The following GRID2 variants were observed in gnomAD, a reference collection of about 807,000 sequenced individuals.
GRID2 encodes glutamate receptor ionotropic, delta-2.
A neutral mutation model predicts 114.8 loss-of-function variants in GRID2; 33 were observed. The ratio of observed to expected loss-of-function variants is 0.29; its 90% confidence interval spans 0.22 to 0.38. GRID2 has a LOEUF of 0.38. GRID2 is among the 10% of genes least tolerant of loss of function. The pLI is 1.00. For missense variants in GRID2, 1,184 were observed against 1,257.7 expected (o/e 0.94, Z 0.89); for synonymous variants, 505 against 449.9 (o/e 1.12, Z -1.55).
chr4:92,508,584 A>G (rs1023100710), intron 1 of GRID2, among the ~76,000 whole-genome samples: 1 of 151,940 alleles, frequency 6.6e-6, no homozygotes, highest in Non-Finnish European at 1.5e-5. Flanking sequence ...AAGAGCAGGC[A>G]CAAAAGCCGG....
At chr4:93,318,776 C>A (rs574003221) in intron 8 of GRID2, 4 of 152,296 alleles carry the variant, frequency 2.6e-5, no homozygotes, top group East Asian at 3.9e-4. Flanking sequence ...TATGCCATAT[C>A]TCCTCCTTCT....
At chr4:92,460,557 T>C (rs1197131228) in intron 1 of GRID2, among the ~76,000 whole-genome samples, 1 of 152,128 alleles carries the variant, frequency 6.6e-6, no homozygotes, top group Non-Finnish European at 1.5e-5. Context: ...AATTTTTGTC[T>C]CAAATAATTT....
At chr4:92,577,186 T>C (rs954094339) in intron 1 of GRID2, among the ~76,000 whole-genome samples, 2 of 152,170 alleles carry the variant, frequency 1.3e-5, no homozygotes, top group African/African-American at 4.8e-5. Context: ...GACTGGAAGT[T>C]TCTTTGTGGC....
At chr4:93,766,952 A>G (rs1733725658) in intron 14 of GRID2, among the ~76,000 whole-genome samples, 1 of 152,208 alleles carries the variant, frequency 6.6e-6, no homozygotes, top group South Asian at 2.1e-4. Context: ...GACGAGCAAT[A>G]CCAACATCAT....
chr4:92,654,563 C>A (rs1205370092), intron 2 of GRID2, among the ~76,000 whole-genome samples: 1 of 151,936 alleles, frequency 6.6e-6, no homozygotes. Flanking sequence ...TGCATCCTTG[C>A]CAGTATCTGT....
chr4:92,442,360 G>C (rs62312206), intron 1 of GRID2, among the ~76,000 whole-genome samples: 1 of 151,906 alleles, frequency 6.6e-6, no homozygotes, highest in Non-Finnish European at 1.5e-5. Flanking sequence ...GATGGGACAC[G>C]GCTTAGGAGG....
At chr4:92,336,317 C>T (rs1245311064) in intron 1 of GRID2, among the ~76,000 whole-genome samples, 1 of 152,118 alleles carries the variant, frequency 6.6e-6, no homozygotes, top group Non-Finnish European at 1.5e-5. Flanking sequence ...AAGCCAGATC[C>T]CTATAAAAAT....
At chr4:93,655,019 C>T (rs1447188189) in intron 14 of GRID2, among the ~76,000 whole-genome samples, 3 of 152,134 alleles carry the variant, frequency 2.0e-5, no homozygotes, top group Non-Finnish European at 4.4e-5. Context: ...TCTGAAAAGA[C>T]CTGTGCCCCA....
intron 4 of GRID2, among the ~76,000 whole-genome samples, chr4:93,151,992 T>C (rs1372760898): frequency 6.6e-6 from 1 of 152,126 alleles, no homozygotes; most frequent in African/African-American, 2.4e-5. Flanking sequence ...CTGTTTAATT[T>C]ATTTTTGCCT....
At chr4:93,311,024 G>T (rs1309528625) in intron 8 of GRID2, among the ~76,000 whole-genome samples, 1 of 152,154 alleles carries the variant, frequency 6.6e-6, no homozygotes, top group East Asian at 1.9e-4. Context: ...CAGAGGGTTA[G>T]TATAAAATTT....
At chr4:92,576,516 C>T (rs1008635017) in intron 1 of GRID2, among the ~76,000 whole-genome samples, 3 of 152,048 alleles carry the variant, frequency 2.0e-5, no homozygotes, top group Non-Finnish European at 2.9e-5. Context: ...AGCCCCCTTC[C>T]TAGGGACATC....
chr4:92,644,447 T>C (rs775809545), intron 2 of GRID2, among the ~76,000 whole-genome samples: 1 of 151,754 alleles, frequency 6.6e-6, no homozygotes, highest in Non-Finnish European at 1.5e-5. Flanking sequence ...AAGTAAATAG[T>C]TGTCAGGCTG....
intron 1 of GRID2, among the ~76,000 whole-genome samples, chr4:92,418,602 G>A (rs543984382): frequency 7.7e-4 from 117 of 152,172 alleles, no homozygotes; most frequent in Admixed American, 2.1e-3. Context: ...ACAAAGTAGA[G>A]ATGAATTGCT....
intron 14 of GRID2, among the ~76,000 whole-genome samples, chr4:93,735,767 T>C (rs1403154943): frequency 1.3e-5 from 2 of 152,086 alleles, no homozygotes; most frequent in Non-Finnish European, 2.9e-5. Context: ...CCAGCCTACA[T>C]GACCACCTTA....
chr4:92,451,164 G>C (rs1191231646), intron 1 of GRID2, among the ~76,000 whole-genome samples: 1 of 152,068 alleles, frequency 6.6e-6, no homozygotes, highest in African/African-American at 2.4e-5. Flanking sequence ...GAAGAGACTA[G>C]CCTGACCGTG....
intron 2 of GRID2, among the ~76,000 whole-genome samples, chr4:92,956,800 C>T (rs1375757908): frequency 6.6e-6 from 1 of 152,178 alleles, no homozygotes; most frequent in Non-Finnish European, 1.5e-5. Context: ...TGTTGGTTCA[C>T]ATCCTCCCCA....
intron 4 of GRID2, among the ~76,000 whole-genome samples, chr4:93,137,030 G>C (rs1735322383): frequency 1.3e-5 from 2 of 152,128 alleles, no homozygotes; most frequent in African/African-American, 2.4e-5. Context: ...AGAAGTGTAA[G>C]TACATATAGA....
chr4:93,545,409 C>T (rs776453914), intron 13 of GRID2, among the ~76,000 whole-genome samples: 2 of 151,954 alleles, frequency 1.3e-5, no homozygotes, highest in Non-Finnish European at 2.9e-5. Flanking sequence ...AGTTCAAGAC[C>T]CAGAGACAAG....
At chr4:92,811,110 T>C (rs1740646376) in intron 2 of GRID2, among the ~76,000 whole-genome samples, 1 of 152,138 alleles carries the variant, frequency 6.6e-6, no homozygotes, top group Non-Finnish European at 1.5e-5. Context: ...GTTCACCTGG[T>C]ACCATATCTA....
Sources: allele counts gnomAD v4.1 joint callset (sites outside exome capture counted in the v4.1 genomes callset), GRCh38; gene constraint gnomAD v4.1.1; transcripts MANE v1.5; gene names NCBI Gene and HGNC (gene_info 2026-07-23, HGNC 2026-07-21).